GPC6: variants seen among roughly 807,000 people sequenced by gnomAD.
The protein encoded by GPC6 is glypican-6.
Under a neutral mutation model 55.2 loss-of-function variants are expected in GPC6, and 14 were observed. That is an observed-to-expected ratio of 0.25 (90% CI 0.17 to 0.40). The LOEUF is 0.40. Among genes scored for constraint, GPC6 ranks in the 10% least tolerant of loss-of-function variants. The pLI is 1.00. For synonymous variants in GPC6, 278 were observed against 259.6 expected (o/e 1.07, Z -0.68); for missense variants, 641 against 708.5 (o/e 0.90, Z 1.08).
intron 2 of GPC6, among the ~76,000 whole-genome samples, chr13:93,679,303 T>G (rs943992621): frequency 6.6e-6 from 1 of 152,120 alleles, no homozygotes; most frequent in Non-Finnish European, 1.5e-5. Context: ...ATTCAGAAGT[T>G]TAAATCCATC....
intron 3 of GPC6, among the ~76,000 whole-genome samples, chr13:93,950,689 A>G (rs143529460): frequency 3.9e-5 from 6 of 152,310 alleles, no homozygotes; most frequent in South Asian, 2.1e-4. Context: ...GCAGACATCT[A>G]TATTTTCATG....
At chr13:93,317,206 A>G (rs1337395443) in intron 1 of GPC6, among the ~76,000 whole-genome samples, 1 of 152,018 alleles carries the variant, frequency 6.6e-6, no homozygotes, top group African/African-American at 2.4e-5. Flanking sequence ...TTTCATTAGC[A>G]TTTTCTTTCC....
intron 1 of GPC6, among the ~76,000 whole-genome samples, chr13:93,512,336 T>C (rs1288905665): frequency 1.3e-5 from 2 of 152,108 alleles, no homozygotes; most frequent in African/African-American, 4.8e-5. Context: ...CTTTGTTATA[T>C]TGAGGTGTGT....
chr13:93,449,150 A>C (rs1381848991), intron 1 of GPC6, among the ~76,000 whole-genome samples: 1 of 152,248 alleles, frequency 6.6e-6, no homozygotes. Context: ...GCACAATGTA[A>C]GGATGCCCAT....
At chr13:93,255,780 TA>T (rs778641379) in intron 1 of GPC6, among the ~76,000 whole-genome samples, 2 of 152,142 alleles carry the variant, frequency 1.3e-5, no homozygotes, top group Non-Finnish European at 2.9e-5. Flanking sequence ...CTGGGGAGTA[TA>T]TTTTTTTGGA....
chr13:93,542,228 A>G (rs1167852500), intron 1 of GPC6, among the ~76,000 whole-genome samples: 2 of 152,240 alleles, frequency 1.3e-5, no homozygotes, highest in African/African-American at 4.8e-5. Context: ...ATCCAGTTTC[A>G]GCTTTCTACA....
At chr13:94,100,692 A>G (rs1445272554) in intron 4 of GPC6, among the ~76,000 whole-genome samples, 2 of 152,132 alleles carry the variant, frequency 1.3e-5, no homozygotes, top group African/African-American at 2.4e-5. Context: ...GTTAAAATCT[A>G]TGTTTCCATC....
At chr13:93,951,793 T>C (rs1879265806) in intron 3 of GPC6, among the ~76,000 whole-genome samples, 1 of 152,178 alleles carries the variant, frequency 6.6e-6, no homozygotes, top group Admixed American at 6.5e-5. Context: ...ATCTTGAATT[T>C]TTTTTATAAG....
chr13:94,143,190 T>G, intron 4 of GPC6, among the ~76,000 whole-genome samples: 1 of 152,046 alleles, frequency 6.6e-6, no homozygotes. Context: ...ATAATTAATA[T>G]TTCTCATTAG....
intron 3 of GPC6, among the ~76,000 whole-genome samples, chr13:93,908,926 C>T (rs1876816712): frequency 6.6e-6 from 1 of 152,104 alleles, no homozygotes; most frequent in Admixed American, 6.6e-5. Context: ...CCTGACTCTG[C>T]TGTGTAAGAT....
chr13:94,167,010 T>C (rs1301174182), intron 4 of GPC6, among the ~76,000 whole-genome samples: 2 of 152,220 alleles, frequency 1.3e-5, no homozygotes, highest in Non-Finnish European at 2.9e-5. Context: ...ATTTGGAAGT[T>C]GCTATCTACT....
intron 4 of GPC6, among the ~76,000 whole-genome samples, chr13:94,195,584 C>G (rs781141641): frequency 2.6e-5 from 4 of 152,184 alleles, no homozygotes; most frequent in Non-Finnish European, 2.9e-5. Context: ...CTTCCTCATT[C>G]ATAAAACAGA....
At chr13:93,756,122 G>A (rs1884760291) in intron 2 of GPC6, among the ~76,000 whole-genome samples, 2 of 152,298 alleles carry the variant, frequency 1.3e-5, no homozygotes, top group African/African-American at 4.8e-5. Context: ...AACTGCAGCA[G>A]TGTCCATGAG....
intron 1 of GPC6, among the ~76,000 whole-genome samples, chr13:93,246,305 C>T (rs1017985054): frequency 6.6e-6 from 1 of 152,254 alleles, no homozygotes; most frequent in South Asian, 2.1e-4. Flanking sequence ...CTCCTTACAT[C>T]ATAGTTTTAG....
intron 7 of GPC6, among the ~76,000 whole-genome samples, chr13:94,394,088 C>A (rs1880791992): frequency 6.6e-6 from 1 of 152,188 alleles, no homozygotes; most frequent in Admixed American, 6.5e-5. Context: ...CTCTTCTACC[C>A]TAATCGGTTC....
At chr13:93,595,893 C>T (rs1164323089) in intron 2 of GPC6, among the ~76,000 whole-genome samples, 1 of 152,092 alleles carries the variant, frequency 6.6e-6, no homozygotes, top group African/African-American at 2.4e-5. Flanking sequence ...ACAGTTGTTC[C>T]TCAATTTAAA....
chr13:94,351,979 A>AAAAGAAAAAAAAAAAAAAAAAAG (rs1566708754), intron 6 of GPC6, among the ~76,000 whole-genome samples: 1 of 142,854 alleles, frequency 7.0e-6, no homozygotes, highest in African/African-American at 2.7e-5. Flanking sequence ...AAAAAAAAAA[A>AAAAGAAAAAAAAAAAAAAAAAAG]AAAGAAAAAG....
At chr13:94,044,064 AC>A (rs952004847) in intron 4 of GPC6, among the ~76,000 whole-genome samples, 5 of 151,872 alleles carry the variant, frequency 3.3e-5, no homozygotes, top group African/African-American at 7.2e-5. Context: ...TCAAAACTAT[AC>A]AAAAGTTATG....
chr13:93,820,584 A>AT (rs1159340474), intron 2 of GPC6, among the ~76,000 whole-genome samples: 1 of 151,380 alleles, frequency 6.6e-6, no homozygotes, highest in Non-Finnish European at 1.5e-5. Flanking sequence ...TTAAATTTCT[A>AT]TTTTTATTAA....
Sources: gnomAD v4.1 joint callset for allele counts (sites outside exome capture counted in the v4.1 genomes callset) on GRCh38, gnomAD v4.1.1 for gene constraint, MANE v1.5 for transcripts, NCBI Gene and HGNC (gene_info 2026-07-23, HGNC 2026-07-21) for gene names.